MTARC2: variants seen among roughly 807,000 people sequenced by gnomAD.
MTARC2 encodes the protein mitochondrial amidoxime reducing component 2.
Under a neutral mutation model 35.6 loss-of-function variants are expected in MTARC2, and 27 were observed. That is an observed-to-expected ratio of 0.76 (90% CI 0.56 to 1.04). The LOEUF (loss-of-function observed/expected upper bound fraction) is 1.04. Among genes scored for constraint, MTARC2 ranks in the 50% least tolerant of loss-of-function variants. MTARC2 has a pLI of 0.00. For synonymous variants in MTARC2, 158 were observed against 167.1 expected, an observed-to-expected ratio of 0.95 and a Z score of 0.42; for missense variants, 412 against 432.5, an observed-to-expected ratio of 0.95 and a Z score of 0.42.
intron 4 of MTARC2, among the ~76,000 whole-genome samples, chr1:220,771,296 CAAAAAAAAAAAAAA>C (rs57776178): frequency 1.8e-5 from 1 of 57,108 alleles, no homozygotes; most frequent in Non-Finnish European, 3.3e-5. Context: ...GAGACTGTCT[CAAAAAAAAAAAAAA>C]AAAAAAAAAG....
At chr1:220,775,076 TG>T (rs1194272503) in intron 4 of MTARC2, among the ~76,000 whole-genome samples, 3 of 152,070 alleles carry the variant, frequency 2.0e-5, no homozygotes, top group Non-Finnish European at 4.4e-5. Context: ...TTTTTTTGCT[TG>T]GCAAATGCCT....
chr1:220,758,338 C>T (rs1001144110), intron 2 of MTARC2, among the ~76,000 whole-genome samples: 1 of 151,860 alleles, frequency 6.6e-6, no homozygotes, highest in Non-Finnish European at 1.5e-5. Flanking sequence ...TCCCTGTTCA[C>T]CTTGTGTGGT....
At position 220,762,967 on chromosome 1, in the gene MTARC2, T is replaced by C. The variant is rs778724274; in HGVS notation, c.667T>C (p.Leu223=). The part of the protein sequence containing the change: ...LIMTDASLVD[L]NTRMEKKMKM... ...CATGACAGATGCCTCCCTGGTAGAT[T>C]TGAATACCAGGATGGAGAAGAAAAT... The change falls in exon 4 of 8, where the codon TTG becomes CTG. Residue 223 remains leucine, a synonymous_variant. Transcript: ENST00000366913. 1.7e-5 allele frequency: 27 copies of C among 1,613,994 alleles called. No homozygotes were observed. Among genetic ancestry groups the C allele is most frequent in the East Asian group, 2.2e-5 (1 of 44,894 alleles).
Position 220,748,818 on chromosome 1 carries a change from G to A in MTARC2, c.272+15G>A, listed in dbSNP as rs745580621. On this transcript the variant is annotated intron_variant, in intron 1 of 7. Transcript: ENST00000366913. ...CTGCGGGACAGGTACAGCACAGCGC[G>A]GGCGCGGGGCAGCGCGGAGCCTGCC... 16 of 1,567,082 alleles carry A rather than the reference G, an allele frequency of 1.0e-5. No homozygotes were observed. The highest frequency in any genetic ancestry group is 1.8e-4 in the Middle Eastern group (1 of 5,596).
chr1:220,773,524 A>G (rs547051734), intron 4 of MTARC2, among the ~76,000 whole-genome samples: 1 of 152,254 alleles, frequency 6.6e-6, no homozygotes, highest in African/African-American at 2.4e-5. Context: ...CTCAATTTAT[A>G]GCCAGTTGGT....
chr1:220,778,268 A>G (rs1425143152), intron 4 of MTARC2, among the ~76,000 whole-genome samples: 1 of 141,754 alleles, frequency 7.1e-6, no homozygotes, highest in African/African-American at 2.7e-5. Flanking sequence ...AAAAAAAAAA[A>G]GAAAGAAAGA....
rs150355698 is a variant in MTARC2, at chr1:220,770,496, A to G, written c.750+7446A>G. Reference sequence around the variant, plus strand: ...GTAAGGAGAGGTCATTCACTTTACAATGCTACCCAAGAGACAAGCCCTTCA... The same window carrying G: ...GTAAGGAGAGGTCATTCACTTTACAGTGCTACCCAAGAGACAAGCCCTTCA... On this transcript the variant is annotated intron_variant, in intron 4 of 7. Coordinates refer to ENST00000366913, the MANE Select transcript of MTARC2 (RefSeq NM_017898.5). 30 of 985,440 alleles carry G rather than the reference A, an allele frequency of 3.0e-5. No homozygotes were observed. The African/African-American group carries it at 4.0e-4, about 13-fold the overall frequency. 61.0% of individuals were successfully genotyped at this position (985,440 alleles called of 1,614,324 possible). A position where few individuals can be genotyped will look rare whatever the true frequency, so the allele number is the denominator to read the frequency against.
In MTARC2 at chr1:220,763,105, A is replaced by G. The variant is rs1301774894; in HGVS notation, c.750+55A>G. 3.1e-6 allele frequency: 5 copies of G among 1,613,150 alleles called. No homozygotes were observed. In the East Asian group the frequency reaches 8.9e-5, roughly 29 times the overall value. On this transcript the variant is annotated intron_variant, in intron 4 of 7. Transcript: ENST00000366913. ...GCTCAGATGTGCTGCTCGCGGTGCT[A>G]AGGGAACTCTGCTCTAGCCAGAGCC...
intron 2 of MTARC2, 48 bp downstream of exon 2, chr1:220,755,168 C>A: frequency 6.6e-7 from 1 of 1,520,912 alleles, no homozygotes; most frequent in South Asian, 1.3e-5. Flanking sequence ...CTTGGTTTCT[C>A]TTCAGGCTCC....
chr1:220,776,286 G>C (rs9970130), intron 4 of MTARC2, among the ~76,000 whole-genome samples: 3,610 of 152,136 alleles, frequency 0.024, 109 homozygotes, highest in African/African-American at 0.064. Context: ...TGATATTGAG[G>C]ATTTTTTCAT....
chr1:220,757,351 C>T (rs1348293932), intron 2 of MTARC2, among the ~76,000 whole-genome samples: 1 of 152,204 alleles, frequency 6.6e-6, no homozygotes, highest in Admixed American at 6.5e-5. Context: ...GCGCACTGCC[C>T]TCTCTAGCTG....
intron 6 of MTARC2, 130 bp from the exon 7 acceptor site, chr1:220,781,648 C>A: frequency 1.1e-6 from 1 of 914,246 alleles, no homozygotes; most frequent in Non-Finnish European, 1.7e-6. Context: ...ACAGACTTCT[C>A]TCGCAACATT....
At chr1:220,753,771 C>T (rs970945737) in intron 1 of MTARC2, among the ~76,000 whole-genome samples, 2 of 152,202 alleles carry the variant, frequency 1.3e-5, no homozygotes, top group African/African-American at 4.8e-5. Flanking sequence ...TGATATTGGG[C>T]TAGGCACAGT....
intron 4 of MTARC2, among the ~76,000 whole-genome samples, chr1:220,774,377 A>G (rs1311784817): frequency 2.6e-5 from 4 of 152,192 alleles, no homozygotes; most frequent in Admixed American, 6.5e-5. Flanking sequence ...GCTTTCTATA[A>G]TCATGTAGAG....
chr1:220,771,570 G>A (rs1432255016), intron 4 of MTARC2, among the ~76,000 whole-genome samples: 2 of 152,112 alleles, frequency 1.3e-5, no homozygotes, highest in Non-Finnish European at 2.9e-5. Flanking sequence ...CTGGAACCAG[G>A]GCTGTGGAAA....
rs2102537539 is a variant in MTARC2 at position 220,748,745 on chromosome 1, C to T, written c.214C>T (p.Pro72Ser). The T allele has an allele frequency of 1.9e-6, 3 of 1,599,464 alleles. No homozygotes were observed. Among genetic ancestry groups the T allele is most frequent in the Non-Finnish European group, 1.7e-6 (2 of 1,173,336 alleles). The change falls in exon 1 of 8, where the codon CCG (proline) becomes TCG (serine). Residue 72 changes from proline (P) to serine (S), a missense_variant. Transcript: ENST00000366913. ...IYPVKSCKGV[P>S]VSEAECTAMG... ...CCCGGTGAAATCCTGCAAAGGGGTG[C>T]CGGTGAGCGAGGCTGAGTGCACGGC...
intron 1 of MTARC2, among the ~76,000 whole-genome samples, chr1:220,753,606 C>A (rs897561754): frequency 6.6e-6 from 1 of 152,206 alleles, no homozygotes; most frequent in Non-Finnish European, 1.5e-5. Flanking sequence ...TTTGGAATGT[C>A]TCCCTGGGAG....
chr1:220,781,208 G>A (rs12023202), intron 6 of MTARC2, among the ~76,000 whole-genome samples: 2,467 of 152,214 alleles, frequency 0.016, 43 homozygotes, highest in East Asian at 0.056. Context: ...TTTTGTTTTT[G>A]ATTTTTAAGA....
intron 2 of MTARC2, among the ~76,000 whole-genome samples, chr1:220,760,404 G>A (rs967694826): frequency 2.0e-5 from 3 of 152,154 alleles, no homozygotes; most frequent in African/African-American, 7.2e-5. Flanking sequence ...TATATTGCCT[G>A]GAGATTCAAG....
Sources: gnomAD v4.1 joint callset for allele counts (sites outside exome capture counted in the v4.1 genomes callset) on GRCh38, gnomAD v4.1.1 for gene constraint, MANE v1.5 for transcripts, NCBI Gene and HGNC (gene_info 2026-07-23, HGNC 2026-07-21) for gene names.